Variants in ABCA4 observed in about 807,000 individuals in gnomAD.
ABCA4 encodes ATP binding cassette subfamily A member 4, also known as retinal-specific phospholipid-transporting ATPase ABCA4.
A neutral mutation model predicts 263.7 loss-of-function variants in ABCA4; 196 were observed. That is an observed-to-expected ratio of 0.74 (90% CI 0.66 to 0.84). The LOEUF (loss-of-function observed/expected upper bound fraction) is 0.84, where lower values mean the gene tolerates loss of function less well. Ranked by LOEUF, ABCA4 falls within the 40% of genes least tolerant of loss-of-function variation. The pLI, the probability that ABCA4 is intolerant of heterozygous loss-of-function variation, is 0.00. For missense variants in ABCA4, 2,792 were observed against 2,855.1 expected, an observed-to-expected ratio of 0.98 and a Z score of 0.50; for synonymous variants, 1,133 against 1,094.2, an observed-to-expected ratio of 1.04 and a Z score of -0.70.
At chr1:94,047,156 T>C (rs1660709786) in intron 18 of ABCA4, 63 bp from the exon 19 acceptor site, 93 of 1,575,644 alleles carry the variant, frequency 5.9e-5, no homozygotes, top group Non-Finnish European at 8.0e-5. Context: ...CCCAGGGCTC[T>C]GTCTCCAGGC....
intron 48 of ABCA4, among the ~76,000 whole-genome samples, chr1:93,996,703 A>T (rs1481263073): frequency 6.6e-6 from 1 of 152,242 alleles, no homozygotes; most frequent in Non-Finnish European, 1.5e-5. Flanking sequence ...AACATATATA[A>T]AAACACAAAA....
chr1:94,071,481 T>G (rs750692783), intron 11 of ABCA4, among the ~76,000 whole-genome samples: 1 of 152,228 alleles, frequency 6.6e-6, no homozygotes, highest in Non-Finnish European at 1.5e-5. Flanking sequence ...CAGAAAGAGC[T>G]TTCTCATCAG....
chr1:94,081,262 C>A (rs1661694597), intron 7 of ABCA4, among the ~76,000 whole-genome samples: 1 of 152,070 alleles, frequency 6.6e-6, no homozygotes, highest in South Asian at 2.1e-4. Flanking sequence ...CACAGAGTGA[C>A]CCCTAGAGCA....
In ABCA4 at chr1:94,014,582, A is replaced by G. The variant is rs1273776607; in HGVS notation, c.5421T>C (p.Ser1807=). The G allele has an allele frequency of 4.3e-6, 7 of 1,614,104 alleles. No homozygotes were observed. The highest frequency in any genetic ancestry group is 3.3e-4 in the Middle Eastern group (2 of 6,084). The change falls in exon 38 of 50, where the codon AGT becomes AGC. Residue 1807 remains serine (S), a synonymous_variant. Transcript: ENST00000370225. The part of the protein sequence containing the change: ...CANLFIGINS[S]AITFILELFE... ...ATAATTCCAAGATGAAGGTAATAGC[A>G]CTGCTGTTGATGCCGATGAACAGAT...
intron 47 of ABCA4, among the ~76,000 whole-genome samples, chr1:93,999,238 G>T (rs1394740887): frequency 6.6e-6 from 1 of 151,960 alleles, no homozygotes; most frequent in East Asian, 1.9e-4. Flanking sequence ...TAGAGACAGG[G>T]TTTCACCGTG....
At chr1:94,029,002 T>C (rs1171184933) in intron 30 of ABCA4, among the ~76,000 whole-genome samples, 1 of 151,208 alleles carries the variant, frequency 6.6e-6, no homozygotes, top group Non-Finnish European at 1.5e-5. Context: ...CATGGATGCA[T>C]GTTCCTAGTA....
At chr1:94,050,989 T>C (rs77969737) in intron 17 of ABCA4, among the ~76,000 whole-genome samples, 3,328 of 152,342 alleles carry the variant, frequency 0.022, 87 homozygotes, top group Admixed American at 0.054. Flanking sequence ...CAAAAGAGTC[T>C]GTGCTTTTCC....
chr1:94,117,665 C>A (rs189251533), intron 1 of ABCA4, among the ~76,000 whole-genome samples: 52 of 152,236 alleles, frequency 3.4e-4, no homozygotes, highest in African/African-American at 1.2e-3. Flanking sequence ...AGGATGAACT[C>A]CTTGGGAAGT....
chr1:94,056,652 G>T lies in ABCA4; in HGVS notation c.2331C>A (p.Ile777=). The stretch of plus-strand genomic sequence containing the variant: ...TGCGGTCCTGCCAGGCGAAGCACAG[G>T]ATGTGTGGCAGGTAGAGGGTGAAAT... ...VIYFTLYLPH[I]LCFAWQDRMT... Residue 777 remains isoleucine (I), a synonymous_variant, in exon 15 of 50, where the codon ATC becomes ATA. Coordinates refer to ENST00000370225, the MANE Select transcript of ABCA4 (RefSeq NM_000350.3). 1 of 1,614,020 alleles carries T rather than the reference G, an allele frequency of 6.2e-7. No individual in the cohort carries two copies. The highest frequency in any genetic ancestry group is 2.2e-5 in the East Asian group (1 of 44,888).
chr1:94,044,807 A>AC, intron 19 of ABCA4, 63 bp from the exon 20 acceptor site: 3 of 1,611,324 alleles, frequency 1.9e-6, no homozygotes, highest in Non-Finnish European at 2.5e-6. Flanking sequence ...TAGGAGGGCC[A>AC]CCCCCACACC....
At chr1:94,045,975 C>A (rs761071343) in intron 19 of ABCA4, 3 of 456,032 alleles carry the variant, frequency 6.6e-6, no homozygotes, top group South Asian at 3.1e-5. Context: ...GCTGAGAGAT[C>A]CGCGCAGAGC....
intron 1 of ABCA4, among the ~76,000 whole-genome samples, chr1:94,118,424 G>C (rs2101184258): frequency 6.6e-6 from 1 of 152,294 alleles, no homozygotes; most frequent in South Asian, 2.1e-4. Flanking sequence ...AAACCTGGGA[G>C]CTGAATTATG....
chr1:94,070,382 G>T (rs1307943178), intron 11 of ABCA4, among the ~76,000 whole-genome samples: 1 of 152,138 alleles, frequency 6.6e-6, no homozygotes, highest in Middle Eastern at 3.2e-3. Flanking sequence ...CCCTGATGCT[G>T]CAGCCACACC....
At chr1:94,075,249 G>A (rs1422606765) in intron 11 of ABCA4, among the ~76,000 whole-genome samples, 1 of 151,934 alleles carries the variant, frequency 6.6e-6, no homozygotes, top group Non-Finnish European at 1.5e-5. Flanking sequence ...GTTGACAAGT[G>A]CAGCAAACCA....
chr1:94,018,831 C>A (rs776641889), intron 36 of ABCA4, among the ~76,000 whole-genome samples: 1 of 151,916 alleles, frequency 6.6e-6, no homozygotes, highest in Non-Finnish European at 1.5e-5. Flanking sequence ...CCCCCACCAA[C>A]CTTGGTTGTC....
At chr1:94,117,771 G>A (rs1253136292) in intron 1 of ABCA4, among the ~76,000 whole-genome samples, 2 of 152,044 alleles carry the variant, frequency 1.3e-5, no homozygotes, top group African/African-American at 4.8e-5. Context: ...CGGTCTCCAC[G>A]TTGTGCTGCA....
intron 6 of ABCA4, among the ~76,000 whole-genome samples, chr1:94,097,192 C>G (rs1007595156): frequency 2.6e-5 from 4 of 152,160 alleles, no homozygotes; most frequent in Non-Finnish European, 5.9e-5. Flanking sequence ...CCTGGGCTCT[C>G]ACTGATGGTG....
Position 94,063,360 on chromosome 1 carries a change from C to T in ABCA4, c.1555-43G>A, listed in dbSNP as rs199781278. 36 of 1,570,512 alleles carry T rather than the reference C, an allele frequency of 2.3e-5. 1 individual carries two copies. The African/African-American group carries it at 2.8e-4, about 12-fold the overall frequency. ...GTTGAGAGAGTGTGAGGAGGACCAA[C>T]TGCAAAGACTCAACTCTACACACAG... On this transcript the variant is annotated intron_variant, in intron 11 of 49. Transcript: ENST00000370225.
intron 18 of ABCA4, 34 bp from the exon 19 acceptor site, chr1:94,047,127 T>C (rs773946808): frequency 1.6e-5 from 26 of 1,610,718 alleles, no homozygotes; most frequent in Non-Finnish European, 8.5e-6. Context: ...GATGTAAACA[T>C]AATGCCTAAT....
Sources: gnomAD v4.1 joint callset for allele counts (sites outside exome capture counted in the v4.1 genomes callset) on GRCh38, gnomAD v4.1.1 for gene constraint, MANE v1.5 for transcripts, NCBI Gene and HGNC (gene_info 2026-07-23, HGNC 2026-07-21) for gene names.